Variants in DOCK8 observed in about 807,000 individuals in gnomAD.
DOCK8 encodes the protein dedicator of cytokinesis protein 8.
A neutral mutation model predicts 245.6 loss-of-function variants in DOCK8; 141 were observed. The ratio of observed to expected loss-of-function variants is 0.57; its 90% CI spans 0.50 to 0.66. The LOEUF is 0.66. Ranked by LOEUF, DOCK8 falls within the 30% of genes least tolerant of loss-of-function variation. The pLI is 0.00. For missense variants in DOCK8, 2,965 were observed against 2,603.4 expected (o/e 1.14, Z -3.02); for synonymous variants, 1,168 against 970.2 (o/e 1.20, Z -3.79).
intron 18 of DOCK8, among the ~76,000 whole-genome samples, chr9:375,958 C>T (rs552868388): frequency 6.6e-6 from 1 of 152,310 alleles, no homozygotes; most frequent in African/African-American, 2.4e-5. Flanking sequence ...GATTGCACCA[C>T]TGCACTTCAG....
At chr9:417,948 A>G (rs1160172917) in intron 29 of DOCK8, 120 bp from the exon 30 acceptor site, 12 of 1,272,694 alleles carry the variant, frequency 9.4e-6, no homozygotes, top group African/African-American at 1.5e-5. Context: ...AATGCTAAAC[A>G]TCAGGTTTGA....
intron 25 of DOCK8, among the ~76,000 whole-genome samples, chr9:397,814 A>G (rs2054536117): frequency 6.6e-6 from 1 of 152,246 alleles, no homozygotes. Context: ...AAATGTTTTT[A>G]TGTTCATAGA....
chr9:377,347 C>A, intron 20 of DOCK8, 136 bp downstream of exon 20: 1 of 777,736 alleles, frequency 1.3e-6, no homozygotes, highest in Non-Finnish European at 1.9e-6. Context: ...CAAGGGAGGC[C>A]AAGTCTTATG....
chr9:244,728 T>G (rs2047465563), intron 1 of DOCK8, among the ~76,000 whole-genome samples: 1 of 151,726 alleles, frequency 6.6e-6, no homozygotes, highest in Non-Finnish European at 1.5e-5. Flanking sequence ...TCCATCACAC[T>G]TCACAGATCT....
chr9:419,526 C>G (rs1586977588), intron 30 of DOCK8, among the ~76,000 whole-genome samples: 1 of 152,286 alleles, frequency 6.6e-6, no homozygotes, highest in African/African-American at 2.4e-5. Context: ...CTCAAGATTT[C>G]CTTTATTCTT....
At chr9:256,132 G>A (rs1188014587) in intron 1 of DOCK8, among the ~76,000 whole-genome samples, 2 of 152,162 alleles carry the variant, frequency 1.3e-5, no homozygotes, top group African/African-American at 4.8e-5. Flanking sequence ...ATTTTATTAA[G>A]GATACAGTAT....
chr9:450,198 C>G lies in DOCK8; in HGVS notation c.5961+271C>G, dbSNP rs563319032. 1.4e-4 allele frequency among the ~76,000 whole-genome samples: 21 copies of G among 152,246 alleles called. No individual in the cohort carries two copies. In the South Asian group the frequency reaches 4.1e-3, roughly 30 times the overall value. ...CACTTTCTCAGAGGAGTCTCCACTT[C>G]GGGGCCAGACCTGACAATATGATGC... On this transcript the variant is annotated intron_variant, in intron 45 of 47. Coordinates refer to ENST00000432829, the MANE Select transcript of DOCK8 (RefSeq NM_203447.4).
rs1253624762 is a variant in DOCK8, at chr9:386,492, C to T, written c.2874+66C>T. 4 of 1,418,394 alleles carry T rather than the reference C, an allele frequency of 2.8e-6. No individual in the cohort carries two copies. The East Asian group carries it at 7.0e-5, about 25-fold the overall frequency. The allele number at this position is 1,418,394 out of a possible 1,614,324, so 87.9% of individuals were successfully genotyped here. A position where few individuals can be genotyped will look rare whatever the true frequency, so the allele number is the denominator to read the frequency against. On this transcript the variant is annotated intron_variant, in intron 23 of 47. Coordinates refer to ENST00000432829, the MANE Select transcript of DOCK8 (RefSeq NM_203447.4). The stretch of plus-strand genomic sequence containing the variant: ...ACAGAAGGATTTCCTCATGCCCTCA[C>T]ACTGTGCTTGGGAATAGTCAAAGTG...
chr9:418,179 A>T lies in DOCK8; in HGVS notation c.3812A>T (p.Lys1271Ile), dbSNP rs1321079496. 6.2e-7 allele frequency: 1 copy of T among 1,614,228 alleles called. No homozygotes were observed. ...ATAGCAGGGAATAATTTCAATTTGA[A>T]AACAAGTGGAATAGTGCTGTCTTCC... ...LAIAGNNFNL[K>I]TSGIVLSSLP... is the part of the protein sequence containing the mutation. Residue 1271 changes from lysine (K) to isoleucine (I), a missense_variant, in exon 30 of 48, where the codon AAA (lysine) becomes ATA (isoleucine). This residue lies in a region of DOCK8 where 2,825 missense variants were observed against 2,453.5 expected (regional missense o/e 1.15). Transcript: ENST00000432829.
chr9:295,641 T>C (rs549295104), intron 4 of DOCK8, among the ~76,000 whole-genome samples: 1 of 152,320 alleles, frequency 6.6e-6, no homozygotes, highest in Admixed American at 6.5e-5. Context: ...GACATGCCTT[T>C]GTTATCCAGA....
At chr9:442,421 A>G (rs1031983005) in intron 42 of DOCK8, among the ~76,000 whole-genome samples, 2 of 152,180 alleles carry the variant, frequency 1.3e-5, no homozygotes, top group Non-Finnish European at 1.5e-5. Flanking sequence ...AAATGACTGA[A>G]TCACCCCTAG....
chr9:339,266 A>G (rs1304804573), intron 13 of DOCK8, among the ~76,000 whole-genome samples, 167 bp downstream of exon 13: 1 of 152,244 alleles, frequency 6.6e-6, no homozygotes, highest in Non-Finnish European at 1.5e-5. Context: ...TGGCAAACCT[A>G]TTAATGTTTT....
At chr9:428,543 T>A in intron 35 of DOCK8, 47 bp downstream of exon 35, 1 of 1,608,774 alleles carries the variant, frequency 6.2e-7, no homozygotes, top group Non-Finnish European at 8.5e-7. Context: ...AGAGTAAGAT[T>A]CTCATCTAGC....
At chr9:287,120 C>T (rs2048855598) in intron 3 of DOCK8, among the ~76,000 whole-genome samples, 1 of 152,168 alleles carries the variant, frequency 6.6e-6, no homozygotes, top group Non-Finnish European at 1.5e-5. Context: ...TGAGCATCTA[C>T]TATGTTCTGG....
At chr9:330,533 AG>A (rs1157712896) in intron 9 of DOCK8, among the ~76,000 whole-genome samples, 1 of 152,206 alleles carries the variant, frequency 6.6e-6, no homozygotes, top group Non-Finnish European at 1.5e-5. Context: ...TTAGTCTGTC[AG>A]TCTAATTGGA....
intron 1 of DOCK8, among the ~76,000 whole-genome samples, chr9:267,682 TG>T (rs1563854256): frequency 6.6e-6 from 1 of 152,258 alleles, no homozygotes; most frequent in Non-Finnish European, 1.5e-5. Flanking sequence ...TATTTTTTAC[TG>T]TAGCTTACTT....
At chr9:366,717 T>TGCCTTGCTTTGCCTTGCTTTGC (rs2053018758) in intron 14 of DOCK8, among the ~76,000 whole-genome samples, 1 of 151,326 alleles carries the variant, frequency 6.6e-6, no homozygotes, top group African/African-American at 2.5e-5. Flanking sequence ...AACCTGTTTA[T>TGCCTTGCTTTGCCTTGCTTTGC]CTCGCTTTGC....
At position 216,856 on chromosome 9, in the gene DOCK8, G is replaced by A. The variant is rs1037621488; in HGVS notation, c.53+1827G>A. On this transcript the variant is annotated intron_variant, in intron 1 of 47. Transcript: ENST00000432829. Reference sequence around the variant, plus strand: ...TACAGGCAGTCTTGCAAGCAACTGCGGGGTCGGTGTCACCTGGGGGTTAAG... The same window carrying A: ...TACAGGCAGTCTTGCAAGCAACTGCAGGGTCGGTGTCACCTGGGGGTTAAG... Among the ~76,000 whole-genome samples, 9 of 152,220 alleles carry A rather than the reference G, an allele frequency of 5.9e-5. No individual in the cohort carries two copies. In the South Asian group the frequency reaches 1.4e-3, roughly 25 times the overall value.
In DOCK8 at chr9:355,829, A is replaced by G. The variant is rs932342149; in HGVS notation, c.1680-12189A>G. Among the ~76,000 whole-genome samples, 5 of 152,330 alleles carry G rather than the reference A, an allele frequency of 3.3e-5. No homozygotes were observed. In the East Asian group the frequency reaches 7.7e-4, roughly 23 times the overall value. On this transcript the variant is annotated intron_variant, in intron 14 of 47. Transcript: ENST00000432829. The stretch of plus-strand genomic sequence containing the variant: ...ACACTCACCTCCCAAGCATCTGCAG[A>G]TCTACATACATATTATCAAATGTAC...
Sources: allele counts gnomAD v4.1 joint callset (sites outside exome capture counted in the v4.1 genomes callset), GRCh38; gene constraint gnomAD v4.1.1; regional missense constraint gnomAD v4.1.1; transcripts MANE v1.5; gene names NCBI Gene and HGNC (gene_info 2026-07-23, HGNC 2026-07-21).